LRRC4C: variants seen among roughly 807,000 people sequenced by gnomAD.
The protein encoded by LRRC4C is leucine-rich repeat-containing protein 4C.
LRRC4C carries 5 observed loss-of-function variants against 33.6 expected under a neutral mutation model. That is an observed-to-expected ratio of 0.15 (90% confidence interval 0.08 to 0.31). The LOEUF is 0.31. LRRC4C is among the 10% of genes least tolerant of loss of function. The probability of loss-of-function intolerance (pLI) is 1.00; values close to 1 mark genes in which losing one functional copy is unlikely to be tolerated. For missense variants in LRRC4C, 560 were observed against 796.7 expected (o/e 0.70, Z 3.58); for synonymous variants, 329 against 302.0 (o/e 1.09, Z -0.93).
intron 2 of LRRC4C, among the ~76,000 whole-genome samples, chr11:40,878,557 G>T (rs1269479105): frequency 6.6e-6 from 1 of 152,138 alleles, no homozygotes; most frequent in African/African-American, 2.4e-5. Context: ...CTGACATGAG[G>T]TGGAGCTCAG....
chr11:40,346,720 C>G (rs763214123), intron 3 of LRRC4C, among the ~76,000 whole-genome samples: 2 of 152,112 alleles, frequency 1.3e-5, no homozygotes, highest in African/African-American at 4.8e-5. Context: ...TTTTTAAAAG[C>G]AAACAACATG....
intron 2 of LRRC4C, among the ~76,000 whole-genome samples, chr11:40,756,892 C>T (rs10768629): frequency 3.0e-3 from 448 of 151,310 alleles, no homozygotes; most frequent in Admixed American, 5.2e-3. Flanking sequence ...TTCTGTCAGA[C>T]TTTTTTTTTT....
chr11:40,863,964 C>G (rs1291231965), intron 2 of LRRC4C, among the ~76,000 whole-genome samples: 3 of 152,018 alleles, frequency 2.0e-5, no homozygotes. Flanking sequence ...AATCTTAGAT[C>G]ACAAAAATGC....
rs139749738 is a variant in LRRC4C, at chr11:41,042,610, T to C, written c.-495-108887A>G. Reference sequence around the variant, plus strand: ...TCATCACCTTCTATCTAATATTTTTTCTGCATTTCACTCACATCAATTTTG... The same window carrying C: ...TCATCACCTTCTATCTAATATTTTTCCTGCATTTCACTCACATCAATTTTG... On this transcript the variant is annotated intron_variant, in intron 1 of 6. Coordinates refer to ENST00000528697, the MANE Select transcript of LRRC4C (RefSeq NM_001258419.2). 4.3e-3 allele frequency among the ~76,000 whole-genome samples: 657 copies of C among 152,236 alleles called. 2 individuals are homozygous for C. Among genetic ancestry groups the C allele is most frequent in the African/African-American group, 0.015 (629 of 41,540 alleles).
chr11:41,142,669 T>C (rs759419146), intron 1 of LRRC4C, among the ~76,000 whole-genome samples: 1 of 152,090 alleles, frequency 6.6e-6, no homozygotes, highest in Non-Finnish European at 1.5e-5. Context: ...TGGGTATTCA[T>C]GTTAAACTCT....
chr11:41,402,356 G>C (rs1389532332), intron 1 of LRRC4C, among the ~76,000 whole-genome samples: 2 of 151,958 alleles, frequency 1.3e-5, no homozygotes, highest in Non-Finnish European at 2.9e-5. Context: ...TGAGAATACA[G>C]AGTATTACAC....
intron 1 of LRRC4C, among the ~76,000 whole-genome samples, chr11:41,341,690 A>C: frequency 6.6e-6 from 1 of 152,242 alleles, no homozygotes; most frequent in East Asian, 1.9e-4. Flanking sequence ...ATGAGGCTAA[A>C]GAATGCAAGC....
At chr11:40,222,208 G>A (rs934428575) in intron 5 of LRRC4C, among the ~76,000 whole-genome samples, 2 of 152,124 alleles carry the variant, frequency 1.3e-5, no homozygotes. Flanking sequence ...TGACACTCAG[G>A]AGTTCTAATT....
At chr11:40,626,464 A>G (rs1962940660) in intron 3 of LRRC4C, among the ~76,000 whole-genome samples, 1 of 152,114 alleles carries the variant, frequency 6.6e-6, no homozygotes, top group Non-Finnish European at 1.5e-5. Flanking sequence ...GTATGTTCCT[A>G]GTACCTATAA....
At chr11:40,729,692 T>C (rs1444738399) in intron 2 of LRRC4C, among the ~76,000 whole-genome samples, 2 of 152,192 alleles carry the variant, frequency 1.3e-5, no homozygotes, top group African/African-American at 4.8e-5. Flanking sequence ...TTATGGACTT[T>C]AAAAATCTCA....
At chr11:41,341,015 T>C (rs1233565999) in intron 1 of LRRC4C, among the ~76,000 whole-genome samples, 1 of 152,090 alleles carries the variant, frequency 6.6e-6, no homozygotes, top group African/African-American at 2.4e-5. Context: ...GGAGGAGTGC[T>C]TGCACGAAGA....
intron 2 of LRRC4C, among the ~76,000 whole-genome samples, chr11:40,804,380 T>G (rs1327102175): frequency 6.6e-6 from 1 of 152,244 alleles, no homozygotes; most frequent in Non-Finnish European, 1.5e-5. Context: ...AAAAATATGC[T>G]TTCAAGAAAT....
intron 5 of LRRC4C, among the ~76,000 whole-genome samples, chr11:40,188,497 A>G (rs373348673): frequency 1.3e-5 from 2 of 152,234 alleles, no homozygotes; most frequent in East Asian, 1.9e-4. Flanking sequence ...ATTTTACTGT[A>G]TTGAGTTTGC....
chr11:41,034,632 TATATATGA>T (rs1565321280), intron 1 of LRRC4C, among the ~76,000 whole-genome samples: 1 of 128,374 alleles, frequency 7.8e-6, no homozygotes, highest in Non-Finnish European at 1.7e-5. Flanking sequence ...TATATATATA[TATATATGA>T]GGTGAGAGTT....
intron 2 of LRRC4C, among the ~76,000 whole-genome samples, chr11:40,735,130 T>C (rs1239231969): frequency 6.6e-6 from 1 of 152,142 alleles, no homozygotes; most frequent in Non-Finnish European, 1.5e-5. Flanking sequence ...AATTACATAA[T>C]TAGCTTCTCT....
intron 3 of LRRC4C, among the ~76,000 whole-genome samples, chr11:40,357,657 A>G (rs914037070): frequency 3.3e-5 from 5 of 152,270 alleles, no homozygotes; most frequent in African/African-American, 4.8e-5. Flanking sequence ...TGTCTTATCA[A>G]AAATGAAAAA....
intron 1 of LRRC4C, among the ~76,000 whole-genome samples, chr11:40,963,549 T>C (rs1468952733): frequency 6.6e-6 from 1 of 151,746 alleles, no homozygotes; most frequent in Non-Finnish European, 1.5e-5. Context: ...ACAATATAGC[T>C]CAAAGAATCA....
At chr11:40,329,273 T>C (rs948885617) in intron 3 of LRRC4C, among the ~76,000 whole-genome samples, 7 of 152,214 alleles carry the variant, frequency 4.6e-5, no homozygotes, top group Non-Finnish European at 7.3e-5. Context: ...TGCAGTGATG[T>C]CACAGGAGAA....
chr11:40,977,245 C>T (rs756791280), intron 1 of LRRC4C, among the ~76,000 whole-genome samples: 7 of 151,848 alleles, frequency 4.6e-5, no homozygotes, highest in Non-Finnish European at 8.8e-5. Context: ...CTCATCTCCT[C>T]CTATGCGGCC....
Sources: allele counts gnomAD v4.1 joint callset (sites outside exome capture counted in the v4.1 genomes callset), GRCh38; gene constraint gnomAD v4.1.1; transcripts MANE v1.5; gene names NCBI Gene and HGNC (gene_info 2026-07-23, HGNC 2026-07-21).